Variants in ZMYND8 observed in about 807,000 individuals in gnomAD.
ZMYND8 encodes the protein zinc finger MYND-type containing 8, also known as MYND-type zinc finger-containing chromatin reader ZMYND8.
ZMYND8 carries 37 observed loss-of-function variants against 140.8 expected under a neutral mutation model. That is an observed-to-expected ratio of 0.26 (90% CI 0.20 to 0.35). ZMYND8 has a LOEUF of 0.35. Among genes scored for constraint, ZMYND8 ranks in the 10% least tolerant of loss-of-function variants. The pLI, the probability that ZMYND8 is intolerant of heterozygous loss-of-function variation, is 1.00. For missense variants in ZMYND8, 1,068 were observed against 1,570.0 expected (o/e 0.68, Z 5.40); for synonymous variants, 592 against 597.1 (o/e 0.99, Z 0.12).
chr20:47,237,373 G>C (rs57317663), intron 15 of ZMYND8: 7 of 151,300 alleles, frequency 4.6e-5, no homozygotes, highest in African/African-American at 1.7e-4. Context: ...GACTGGGCTG[G>C]TCTTGAACTC....
At chr20:47,216,026 G>C (rs571334342) in intron 21 of ZMYND8, among the ~76,000 whole-genome samples, 100 of 152,350 alleles carry the variant, frequency 6.6e-4, no homozygotes, top group Non-Finnish European at 1.2e-3. Context: ...TGAACGGCAG[G>C]AGGGAAGGAC....
At chr20:47,224,247 G>A (rs1409149029) in intron 19 of ZMYND8, 70 bp downstream of exon 19, 64 of 1,591,790 alleles carry the variant, frequency 4.0e-5, no homozygotes, top group Non-Finnish European at 5.3e-5. Flanking sequence ...TGAGACCCCT[G>A]AAGTCCACAG....
At chr20:47,234,864 G>A (rs939267560) in intron 16 of ZMYND8, among the ~76,000 whole-genome samples, 4 of 152,126 alleles carry the variant, frequency 2.6e-5, no homozygotes, top group Non-Finnish European at 4.4e-5. Context: ...AACAGGCTGG[G>A]TGTGGTGGCT....
chr20:47,349,309 G>A (rs16992530), intron 1 of ZMYND8, among the ~76,000 whole-genome samples: 3,148 of 152,212 alleles, frequency 0.021, 110 homozygotes, highest in African/African-American at 0.073. Context: ...TTTGAACCCC[G>A]TTAACAATTT....
intron 11 of ZMYND8, among the ~76,000 whole-genome samples, chr20:47,263,410 C>G (rs1022619465): frequency 2.6e-5 from 4 of 151,948 alleles, no homozygotes; most frequent in African/African-American, 9.7e-5. Context: ...TTCGAAAGTG[C>G]TGGGACACTT....
At chr20:47,309,642 G>A (rs1349171047) in intron 3 of ZMYND8, among the ~76,000 whole-genome samples, 1 of 152,008 alleles carries the variant, frequency 6.6e-6, no homozygotes, top group Non-Finnish European at 1.5e-5. Context: ...GAAAACTGAG[G>A]CCAGAAGGGA....
At chr20:47,312,096 G>A (rs1202490590) in intron 2 of ZMYND8, among the ~76,000 whole-genome samples, 1 of 152,124 alleles carries the variant, frequency 6.6e-6, no homozygotes, top group East Asian at 1.9e-4. Flanking sequence ...GGGTGGGATG[G>A]GATGTGAAAT....
intron 8 of ZMYND8, among the ~76,000 whole-genome samples, chr20:47,286,051 TA>T (rs1383613788): frequency 6.6e-6 from 1 of 151,922 alleles, no homozygotes; most frequent in African/African-American, 2.4e-5. Flanking sequence ...ATAATTAATT[TA>T]AAAAGAAATA....
At chr20:47,238,062 C>T (rs1048825131) in intron 15 of ZMYND8, 2 of 152,244 alleles carry the variant, frequency 1.3e-5, no homozygotes, top group African/African-American at 4.8e-5. Flanking sequence ...CAAGAGGTTC[C>T]CTCATGTGCA....
At chr20:47,323,045 T>G (rs1216760063) in intron 2 of ZMYND8, among the ~76,000 whole-genome samples, 1 of 152,166 alleles carries the variant, frequency 6.6e-6, no homozygotes, top group Non-Finnish European at 1.5e-5. Flanking sequence ...TCTCTGTGAC[T>G]CAGTCATTCA....
chr20:47,239,727 G>A (rs1189947982), intron 14 of ZMYND8, among the ~76,000 whole-genome samples: 1 of 152,170 alleles, frequency 6.6e-6, no homozygotes, highest in Admixed American at 6.5e-5. Context: ...TGATAGCCAG[G>A]ACAATACCAG....
chr20:47,247,902 A>G (rs966072138), intron 13 of ZMYND8, among the ~76,000 whole-genome samples: 36 of 152,326 alleles, frequency 2.4e-4, no homozygotes, highest in African/African-American at 8.7e-4. Flanking sequence ...GCTTGAACCC[A>G]GGAGTTCAAG....
At position 47,249,393 on chromosome 20, in the gene ZMYND8, G is replaced by A; in HGVS notation, c.1668C>T (p.Val556=). 6.2e-7 allele frequency: 1 copy of A among 1,614,174 alleles called. No homozygotes were observed. Among genetic ancestry groups the A allele is most frequent in the Non-Finnish European group, 8.5e-7 (1 of 1,180,034 alleles). The change falls in exon 13 of 23, where the codon GTC becomes GTT. Residue 556 remains valine (V), a synonymous_variant. Transcript: ENST00000471951. Reference sequence around the variant, plus strand: ...GAGGAACAGGGGTGGACTGTTGCTGGACCGACTCGCTCAGCTCCTTCAAAT... The same window carrying A: ...GAGGAACAGGGGTGGACTGTTGCTGAACCGACTCGCTCAGCTCCTTCAAAT... The part of the protein sequence containing the change: ...EMDLKELSES[V]QQQSTPVPLI...
intron 14 of ZMYND8, among the ~76,000 whole-genome samples, chr20:47,241,561 G>C (rs1416493580): frequency 6.6e-6 from 1 of 152,138 alleles, no homozygotes; most frequent in African/African-American, 2.4e-5. Flanking sequence ...CAGGCAGGGA[G>C]GAGGGGCTGG....
At chr20:47,314,021 T>C (rs2079174728) in intron 2 of ZMYND8, among the ~76,000 whole-genome samples, 1 of 152,186 alleles carries the variant, frequency 6.6e-6, no homozygotes, top group Non-Finnish European at 1.5e-5. Context: ...ACATCAATGT[T>C]TGCATAAACC....
intron 10 of ZMYND8, among the ~76,000 whole-genome samples, chr20:47,277,371 A>G (rs2076317807): frequency 1.3e-5 from 2 of 152,220 alleles, no homozygotes; most frequent in Non-Finnish European, 1.5e-5. Flanking sequence ...CCACATTCCA[A>G]TTTTGCTCTG....
chr20:47,222,335 ACC>A (rs202140109), intron 19 of ZMYND8, among the ~76,000 whole-genome samples: 2,423 of 152,300 alleles, frequency 0.016, 73 homozygotes, highest in African/African-American at 0.055. Flanking sequence ...GGAGATCAAG[ACC>A]ATACTGGCTA....
chr20:47,351,843 A>T (rs1423289116), intron 1 of ZMYND8: 1 of 985,450 alleles, frequency 1.0e-6, no homozygotes, highest in Non-Finnish European at 1.2e-6. Context: ...CTCTTGTTTA[A>T]GCAGCCCTGC....
In ZMYND8 at chr20:47,298,602, A is replaced by G; in HGVS notation, c.453+127T>C. ...GTCAAGAAGGGGGTGACCAGGATAGAACAGGTGGAAAGCAAGAAATTTCTC... is the reference window on the plus strand; with the variant it reads ...GTCAAGAAGGGGGTGACCAGGATAGGACAGGTGGAAAGCAAGAAATTTCTC... On this transcript the variant is annotated intron_variant, in intron 4 of 22. Transcript: ENST00000471951. The surrounding 1 kb of genome is among the most constrained non-coding windows in gnomAD (Gnocchi z 5.0). The G allele has an allele frequency of 6.7e-7, 1 of 1,498,700 alleles. No individual in the cohort carries two copies. The highest frequency in any genetic ancestry group is 8.9e-7 in the Non-Finnish European group (1 of 1,123,382). 92.8% of individuals were successfully genotyped at this position (1,498,700 alleles called of 1,614,324 possible). A position where few individuals can be genotyped will look rare whatever the true frequency, so the allele number is the denominator to read the frequency against.
Sources: allele counts gnomAD v4.1 joint callset (sites outside exome capture counted in the v4.1 genomes callset), GRCh38; gene constraint gnomAD v4.1.1; non-coding constraint Gnocchi (gnomAD v3.1); transcripts MANE v1.5; gene names NCBI Gene and HGNC (gene_info 2026-07-23, HGNC 2026-07-21).